The following RORA variants were observed in gnomAD, a reference collection of about 807,000 sequenced individuals.
RORA encodes the protein RAR related orphan receptor A, also known as nuclear receptor ROR-alpha.
Under a neutral mutation model 69.5 loss-of-function variants are expected in RORA, and 7 were observed. That is an observed-to-expected ratio of 0.10 (90% CI 0.06 to 0.19). RORA has a LOEUF of 0.19. Among genes scored for constraint, RORA ranks in the 10% least tolerant of loss-of-function variants. RORA has a pLI of 1.00. For synonymous variants in RORA, 261 were observed against 240.8 expected (o/e 1.08, Z -0.78); for missense variants, 457 against 663.0 (o/e 0.69, Z 3.41).
intron 1 of RORA, among the ~76,000 whole-genome samples, chr15:60,770,975 T>G (rs570212359): frequency 6.6e-6 from 1 of 152,232 alleles, no homozygotes; most frequent in East Asian, 1.9e-4. Flanking sequence ...GTATGTCACA[T>G]GCAATATTTG....
At chr15:60,908,746 T>C (rs1051541399) in intron 1 of RORA, among the ~76,000 whole-genome samples, 1 of 152,174 alleles carries the variant, frequency 6.6e-6, no homozygotes, top group African/African-American at 2.4e-5. Flanking sequence ...TTAAGCTTAT[T>C]ACCCCCACAG....
chr15:60,867,310 C>A (rs990714446), intron 1 of RORA, among the ~76,000 whole-genome samples: 3 of 152,132 alleles, frequency 2.0e-5, no homozygotes, highest in African/African-American at 7.2e-5. Context: ...TCACAGGTGA[C>A]AACATGTAGA....
intron 1 of RORA, among the ~76,000 whole-genome samples, chr15:60,705,903 A>G (rs749196353): frequency 6.6e-6 from 1 of 152,174 alleles, no homozygotes; most frequent in Non-Finnish European, 1.5e-5. Flanking sequence ...CAAGGAGTGC[A>G]AAGTATATTA....
intron 5 of RORA, among the ~76,000 whole-genome samples, chr15:60,509,022 A>G (rs1400565375): frequency 4.6e-5 from 7 of 152,176 alleles, no homozygotes; most frequent in African/African-American, 1.7e-4. Context: ...TTTATAATTT[A>G]TTTTCCTATT....
At chr15:60,960,693 A>C (rs1452530299) in intron 1 of RORA, among the ~76,000 whole-genome samples, 3 of 151,506 alleles carry the variant, frequency 2.0e-5, no homozygotes. Flanking sequence ...TACTGCACGA[A>C]GTCCAAATTC....
chr15:60,899,925 C>T (rs572164496), intron 1 of RORA, among the ~76,000 whole-genome samples: 1 of 152,322 alleles, frequency 6.6e-6, no homozygotes, highest in East Asian at 1.9e-4. Context: ...GTCATGCTAG[C>T]TTCTATTCCA....
chr15:60,996,111 C>T (rs1355020748), intron 1 of RORA, among the ~76,000 whole-genome samples: 4 of 150,210 alleles, frequency 2.7e-5, no homozygotes, highest in African/African-American at 9.8e-5. Context: ...CACTCTGTTG[C>T]CCAGGCTGCA....
intron 2 of RORA, among the ~76,000 whole-genome samples, chr15:60,608,101 G>A (rs746325326): frequency 2.6e-5 from 4 of 152,164 alleles, no homozygotes; most frequent in Non-Finnish European, 4.4e-5. Flanking sequence ...GATCCACATC[G>A]TACAGACTCT....
intron 1 of RORA, among the ~76,000 whole-genome samples, chr15:60,922,151 C>T (rs921790611): frequency 6.6e-6 from 1 of 152,058 alleles, no homozygotes. Context: ...TTAAAAAGAT[C>T]AGTGGTTGTT....
In RORA at chr15:61,151,186, T is replaced by C. The variant is rs553572093; in HGVS notation, c.166+77867A>G. Among the ~76,000 whole-genome samples the C allele has an allele frequency of 5.5e-4, 84 of 152,340 alleles. 3 individuals are homozygous for C. In the South Asian group the frequency reaches 0.012, roughly 22 times the overall value. On this transcript the variant is annotated intron_variant, in intron 1 of 10. Coordinates refer to ENST00000335670, the MANE Select transcript of RORA (RefSeq NM_134261.3). ...GTACATGAGATGAAAGCTTTTTGTA[T>C]TCTGTGATGTCATCCAAGCCTGATG...
At chr15:60,714,681 G>A (rs1332937196) in intron 1 of RORA, among the ~76,000 whole-genome samples, 1 of 152,124 alleles carries the variant, frequency 6.6e-6, no homozygotes, top group East Asian at 1.9e-4. Flanking sequence ...CTCTTTTAAA[G>A]AAGGATTTTT....
At chr15:60,847,839 C>T (rs2056843375) in intron 1 of RORA, 1 of 152,226 alleles carries the variant, frequency 6.6e-6, no homozygotes, top group African/African-American at 2.4e-5. Flanking sequence ...AACATCTAAA[C>T]TGACAAATCT....
At chr15:60,743,415 T>A (rs540651819) in intron 1 of RORA, among the ~76,000 whole-genome samples, 1 of 152,320 alleles carries the variant, frequency 6.6e-6, no homozygotes, top group East Asian at 1.9e-4. Context: ...ACTTATTAAT[T>A]GGCCCTGTTT....
At chr15:60,553,761 T>C (rs929327287) in intron 2 of RORA, among the ~76,000 whole-genome samples, 21 of 152,222 alleles carry the variant, frequency 1.4e-4, no homozygotes, top group African/African-American at 5.1e-4. Context: ...CTGACTTAAA[T>C]CTGCTAAAAC....
intron 1 of RORA, among the ~76,000 whole-genome samples, chr15:60,870,833 A>G (rs1026578932): frequency 1.3e-5 from 2 of 152,238 alleles, no homozygotes; most frequent in African/African-American, 4.8e-5. Context: ...ACATAAGCAT[A>G]GGCTTGCCTT....
chr15:60,686,089 A>G (rs1231374600), intron 1 of RORA, among the ~76,000 whole-genome samples: 1 of 152,128 alleles, frequency 6.6e-6, no homozygotes, highest in African/African-American at 2.4e-5. Context: ...ATTGCTCTCC[A>G]TCTCTAGGTC....
chr15:60,549,749 C>T (rs972021561), intron 2 of RORA, among the ~76,000 whole-genome samples: 1 of 152,140 alleles, frequency 6.6e-6, no homozygotes, highest in African/African-American at 2.4e-5. Context: ...CCACCCCCTC[C>T]CATCTCCTTC....
chr15:60,909,358 C>T (rs968019137), intron 1 of RORA, among the ~76,000 whole-genome samples: 1 of 152,158 alleles, frequency 6.6e-6, no homozygotes, highest in Non-Finnish European at 1.5e-5. Flanking sequence ...GCCTGGCACC[C>T]CATGTGTCAA....
chr15:60,996,767 G>A (rs1258727093), intron 1 of RORA, among the ~76,000 whole-genome samples: 4 of 152,016 alleles, frequency 2.6e-5, no homozygotes, highest in African/African-American at 4.8e-5. Context: ...AAAATTAGCC[G>A]GGAGTGGTGG....
Sources: allele counts gnomAD v4.1 joint callset (sites outside exome capture counted in the v4.1 genomes callset), GRCh38; gene constraint gnomAD v4.1.1; transcripts MANE v1.5; gene names NCBI Gene and HGNC (gene_info 2026-07-23, HGNC 2026-07-21).